Variants in CDKAL1 observed in about 807,000 individuals in gnomAD.
CDKAL1 encodes CDKAL1 threonylcarbamoyladenosine tRNA methylthiotransferase.
In CDKAL1, 32 loss-of-function variants were observed where a neutral mutation model predicts 68.2. The observed-to-expected ratio is 0.47, with a 90% CI of 0.35 to 0.63. CDKAL1 has a LOEUF of 0.63. Among genes scored for constraint, CDKAL1 ranks in the 30% least tolerant of loss-of-function variants. The pLI is 0.00. For synonymous variants in CDKAL1, 234 were observed against 244.3 expected (o/e 0.96, Z 0.39); for missense variants, 606 against 696.7 (o/e 0.87, Z 1.47).
intron 2 of CDKAL1, among the ~76,000 whole-genome samples, chr6:20,540,847 G>A (rs1414860951): frequency 6.6e-6 from 1 of 152,202 alleles, no homozygotes; most frequent in Non-Finnish European, 1.5e-5. Context: ...AAGCTCGGGG[G>A]AAGAATGGGG....
rs1378536877 is a variant in CDKAL1, at chr6:21,069,770, CTTTCTTTTTTTTTTTTTT to C, written c.1236+4546_1236+4563del. Among the ~76,000 whole-genome samples, 176 of 42,282 alleles carry C rather than the reference CTTTCTTTTTTTTTTTTTT, an allele frequency of 4.2e-3. 11 individuals are homozygous for C. In the South Asian group the frequency reaches 0.13, roughly 32 times the overall value. The allele number at this position is 42,282 out of a possible 152,430, so 27.7% of individuals were successfully genotyped here. A position where few individuals can be genotyped will look rare whatever the true frequency, so the allele number is the denominator to read the frequency against. On this transcript the variant is annotated intron_variant, in intron 12 of 15. Coordinates refer to ENST00000274695, the MANE Select transcript of CDKAL1 (RefSeq NM_017774.3). ...TGCCCAATAAAATCCCCCAGATTTT[CTTTCTTTTTTTTTTTTTT>C]TTTTTTTTTTTTTTTTAAAACAGAG...
chr6:20,700,088 T>G (rs148408518), intron 5 of CDKAL1, among the ~76,000 whole-genome samples: 4 of 152,264 alleles, frequency 2.6e-5, no homozygotes, highest in Non-Finnish European at 4.4e-5. Context: ...TGAGTAATTC[T>G]TATGTTCATT....
chr6:21,021,355 G>A (rs918241722), intron 11 of CDKAL1, among the ~76,000 whole-genome samples: 1 of 151,910 alleles, frequency 6.6e-6, no homozygotes, highest in African/African-American at 2.4e-5. Flanking sequence ...ACTTTTTTAT[G>A]TATTCAAAGC....
At chr6:21,017,471 C>T (rs1313667322) in intron 11 of CDKAL1, among the ~76,000 whole-genome samples, 2 of 152,120 alleles carry the variant, frequency 1.3e-5, no homozygotes, top group Non-Finnish European at 1.5e-5. Context: ...TCTTTACAAC[C>T]ACATCATCAC....
At chr6:20,900,526 G>C (rs931365516) in intron 9 of CDKAL1, among the ~76,000 whole-genome samples, 1 of 152,158 alleles carries the variant, frequency 6.6e-6, no homozygotes, top group African/African-American at 2.4e-5. Flanking sequence ...ATCATATATG[G>C]GCTACTTGAG....
chr6:20,893,847 C>T (rs1761537960), intron 9 of CDKAL1, among the ~76,000 whole-genome samples: 1 of 151,976 alleles, frequency 6.6e-6, no homozygotes, highest in South Asian at 2.1e-4. Flanking sequence ...ACTCACGATA[C>T]TGATGATGAT....
chr6:21,059,924 C>T (rs1055581914), intron 11 of CDKAL1, among the ~76,000 whole-genome samples: 3 of 152,146 alleles, frequency 2.0e-5, no homozygotes, highest in Non-Finnish European at 4.4e-5. Flanking sequence ...CCACCCTCCC[C>T]CTTCTGAGTC....
intron 8 of CDKAL1, among the ~76,000 whole-genome samples, chr6:20,790,945 A>G (rs1053589330): frequency 2.6e-5 from 4 of 152,196 alleles, no homozygotes; most frequent in African/African-American, 9.7e-5. Context: ...GAAAACCAAT[A>G]AGGAAAGGGT....
intron 5 of CDKAL1, among the ~76,000 whole-genome samples, chr6:20,701,723 TC>T (rs1771371478): frequency 6.6e-6 from 1 of 152,124 alleles, no homozygotes; most frequent in African/African-American, 2.4e-5. Flanking sequence ...TGAGTTATGT[TC>T]CCCCAGCCAC....
chr6:20,673,483 C>T (rs1047467411), intron 5 of CDKAL1, among the ~76,000 whole-genome samples: 3 of 152,128 alleles, frequency 2.0e-5, no homozygotes, highest in Admixed American at 6.5e-5. Flanking sequence ...ATGTTTAGTA[C>T]GGACACAGTT....
chr6:20,671,009 A>T (rs1212898788), intron 5 of CDKAL1, among the ~76,000 whole-genome samples: 2 of 152,066 alleles, frequency 1.3e-5, no homozygotes, highest in Non-Finnish European at 2.9e-5. Flanking sequence ...ATTGATTTTT[A>T]TATTATTGGA....
intron 13 of CDKAL1, among the ~76,000 whole-genome samples, chr6:21,142,736 C>G (rs577892835): frequency 3.3e-5 from 5 of 152,110 alleles, no homozygotes; most frequent in Admixed American, 6.5e-5. Flanking sequence ...AATACTGCAG[C>G]CTTAAAGAGT....
At chr6:21,048,399 A>C (rs1357756865) in intron 11 of CDKAL1, among the ~76,000 whole-genome samples, 1 of 152,208 alleles carries the variant, frequency 6.6e-6, no homozygotes, top group African/African-American at 2.4e-5. Flanking sequence ...CATAAGAAAT[A>C]AAGTAATTAT....
chr6:21,146,882 G>A (rs990396526), intron 13 of CDKAL1, among the ~76,000 whole-genome samples: 1 of 148,048 alleles, frequency 6.8e-6, no homozygotes, highest in Non-Finnish European at 1.5e-5. Flanking sequence ...AGATACTCTT[G>A]AGTTTACCTT....
intron 6 of CDKAL1, among the ~76,000 whole-genome samples, chr6:20,746,440 A>G (rs1287244487): frequency 6.6e-6 from 1 of 152,248 alleles, no homozygotes; most frequent in Non-Finnish European, 1.5e-5. Flanking sequence ...AAAGTTGCTC[A>G]CGGGCTTGTG....
At chr6:20,977,973 C>G (rs1765922909) in intron 10 of CDKAL1, among the ~76,000 whole-genome samples, 1 of 152,138 alleles carries the variant, frequency 6.6e-6, no homozygotes, top group Non-Finnish European at 1.5e-5. Flanking sequence ...TTAAATTTCA[C>G]TGACTTAAGA....
chr6:20,637,036 C>CAA (rs58986368), intron 4 of CDKAL1, among the ~76,000 whole-genome samples: 2 of 113,254 alleles, frequency 1.8e-5, no homozygotes, highest in Non-Finnish European at 1.9e-5. Context: ...GACTCCGTCT[C>CAA]AAAAAAAAAA....
chr6:21,051,293 G>T (rs1162227695), intron 11 of CDKAL1, among the ~76,000 whole-genome samples: 1 of 152,188 alleles, frequency 6.6e-6, no homozygotes, highest in Non-Finnish European at 1.5e-5. Flanking sequence ...AGGATCATTT[G>T]CACCCAAGAG....
At chr6:20,705,253 A>G (rs1244083790) in intron 5 of CDKAL1, among the ~76,000 whole-genome samples, 1 of 152,236 alleles carries the variant, frequency 6.6e-6, no homozygotes, top group African/African-American at 2.4e-5. Context: ...ATTTGAAAAT[A>G]ACTGACTTTT....
Sources: allele counts gnomAD v4.1 joint callset (sites outside exome capture counted in the v4.1 genomes callset), GRCh38; gene constraint gnomAD v4.1.1; transcripts MANE v1.5; gene names NCBI Gene and HGNC (gene_info 2026-07-23, HGNC 2026-07-21).